DOCK1: variants seen among roughly 807,000 people sequenced by gnomAD.
The protein encoded by DOCK1 is dedicator of cytokinesis protein 1.
A neutral mutation model predicts 262.7 loss-of-function variants in DOCK1; 138 were observed. The ratio of observed to expected loss-of-function variants is 0.53; its 90% CI spans 0.46 to 0.61. The LOEUF (loss-of-function observed/expected upper bound fraction) is 0.61. DOCK1 is among the 20% of genes least tolerant of loss of function. DOCK1 has a pLI of 0.00. For missense variants in DOCK1, 1,908 were observed against 2,370.7 expected (o/e 0.80, Z 4.05); for synonymous variants, 866 against 867.4 (o/e 1.00, Z 0.03).
rs568297869 is a variant in DOCK1 at position 127,356,770 on chromosome 10, A to C, written c.3283+2043A>C. Among the ~76,000 whole-genome samples, 3 of 152,294 alleles carry C rather than the reference A, an allele frequency of 2.0e-5. No homozygotes were observed. The South Asian group carries it at 6.2e-4, about 32-fold the overall frequency. On this transcript the variant is annotated intron_variant, in intron 32 of 51. Coordinates refer to ENST00000623213, the MANE Select transcript of DOCK1 (RefSeq NM_001290223.2). ...CCTGCCACAGTTGGGCTCTCAGGGC[A>C]GACCCCAGACCTCTTCTCTGGACAC...
chr10:127,175,701 CG>C lies in DOCK1; in HGVS notation c.2847+47939del, dbSNP rs760865513. On this transcript the variant is annotated intron_variant, in intron 27 of 51. Coordinates refer to ENST00000623213, the MANE Select transcript of DOCK1 (RefSeq NM_001290223.2). This position sits in a 1 kb window ranked among gnomAD's most constrained non-coding sequence, Gnocchi z 6.3. ...GGGCTCCTCGGAGTTTGGCCTCCCC[CG>C]GTCCTGCTTGGCCCTCCCGAGCAGC... The C allele has an allele frequency of 6.2e-7, 1 of 1,613,886 alleles. No individual in the cohort carries two copies. The highest frequency in any genetic ancestry group is 8.5e-7 in the Non-Finnish European group (1 of 1,179,998).
At chr10:126,928,936 T>C (rs2033977874) in intron 1 of DOCK1, among the ~76,000 whole-genome samples, 3 of 152,244 alleles carry the variant, frequency 2.0e-5, no homozygotes, top group African/African-American at 7.2e-5. Flanking sequence ...CAGTTAAGTA[T>C]TTAATCAGGT....
chr10:126,959,223 C>T (rs2036996466), intron 1 of DOCK1, among the ~76,000 whole-genome samples: 2 of 152,142 alleles, frequency 1.3e-5, no homozygotes, highest in South Asian at 2.1e-4. Flanking sequence ...GTTTCCTATT[C>T]AGATCTTAAT....
chr10:127,200,202 G>A (rs1241471383), intron 27 of DOCK1, among the ~76,000 whole-genome samples: 1 of 152,132 alleles, frequency 6.6e-6, no homozygotes, highest in African/African-American at 2.4e-5. Context: ...AGTCCACTGT[G>A]CAAAGTGAAA....
At chr10:127,328,662 C>T (rs1312086652) in intron 29 of DOCK1, among the ~76,000 whole-genome samples, 2 of 152,060 alleles carry the variant, frequency 1.3e-5, no homozygotes, top group African/African-American at 4.8e-5. Flanking sequence ...GGCAGGGAGG[C>T]GAGGTCTCTG....
chr10:127,076,290 A>G (rs2046536152), intron 23 of DOCK1, among the ~76,000 whole-genome samples: 1 of 152,226 alleles, frequency 6.6e-6, no homozygotes, highest in African/African-American at 2.4e-5. Context: ...TCACAAGGTC[A>G]GTAGATCAAG....
intron 1 of DOCK1, among the ~76,000 whole-genome samples, chr10:126,969,643 T>C (rs1211515357): frequency 2.0e-5 from 3 of 151,996 alleles, no homozygotes; most frequent in Non-Finnish European, 4.4e-5. Context: ...GCTTTCGTGA[T>C]GAGGTGCACC....
chr10:127,354,595 T>G (rs1443441851), intron 31 of DOCK1, 74 bp from the exon 32 acceptor site: 2 of 1,587,066 alleles, frequency 1.3e-6, no homozygotes, highest in Non-Finnish European at 1.7e-6. Context: ...TTAATTGCAC[T>G]TAAAAATAAT....
At chr10:127,068,420 T>A (rs1242316020) in intron 23 of DOCK1, among the ~76,000 whole-genome samples, 1 of 152,168 alleles carries the variant, frequency 6.6e-6, no homozygotes, top group African/African-American at 2.4e-5. Context: ...ACTGAGTAAC[T>A]TTGGGCCTGT....
chr10:127,148,694 T>C (rs929007555), intron 27 of DOCK1, among the ~76,000 whole-genome samples: 3 of 152,222 alleles, frequency 2.0e-5, no homozygotes, highest in African/African-American at 7.2e-5. Context: ...AGAAGAAATT[T>C]CAGCTGCTTA....
In DOCK1 at chr10:127,295,896, G is replaced by T. The variant is rs2766031; in HGVS notation, c.3044+38467G>T. Among the ~76,000 whole-genome samples, 467 of 152,294 alleles carry T rather than the reference G, an allele frequency of 3.1e-3. 4 individuals carry two copies. Among genetic ancestry groups the T allele is most frequent in the African/African-American group, 0.011 (437 of 41,550 alleles). ...GACAACATGAAAAACCTAAAATCAGGTTGGAGATAAATATTTAAATCTCCT... is the reference window on the plus strand; with the variant it reads ...GACAACATGAAAAACCTAAAATCAGTTTGGAGATAAATATTTAAATCTCCT... On this transcript the variant is annotated intron_variant, in intron 29 of 51. Transcript: ENST00000623213.
chr10:127,374,339 C>T lies in DOCK1; in HGVS notation c.3675+125C>T, dbSNP rs189336662. The T allele has an allele frequency of 3.7e-4, 453 of 1,240,770 alleles. 6 individuals carry two copies. In the Admixed American group the frequency reaches 0.011, roughly 30 times the overall value. The allele number at this position is 1,240,770 out of a possible 1,614,324, so 76.9% of individuals were successfully genotyped here. A position where few individuals can be genotyped will look rare whatever the true frequency, so the allele number is the denominator to read the frequency against. On this transcript the variant is annotated intron_variant, in intron 35 of 51. Transcript: ENST00000623213. ...CTTTCCACCGCAGAACAATCTCCTT[C>T]GCTTGTTTCCTCATCTGCTGCAGGG...
intron 28 of DOCK1, among the ~76,000 whole-genome samples, chr10:127,249,673 A>G (rs1275287137): frequency 2.6e-5 from 4 of 152,224 alleles, no homozygotes; most frequent in South Asian, 2.1e-4. Context: ...TACAATGGCT[A>G]TGATGTCACT....
At chr10:127,355,595 C>A (rs1475438672) in intron 32 of DOCK1, among the ~76,000 whole-genome samples, 1 of 152,200 alleles carries the variant, frequency 6.6e-6, no homozygotes, top group East Asian at 1.9e-4. Flanking sequence ...CACGAGAAGC[C>A]TGCATTGGCC....
At chr10:127,040,254 A>G (rs2043931904) in intron 19 of DOCK1, among the ~76,000 whole-genome samples, 2 of 152,240 alleles carry the variant, frequency 1.3e-5, no homozygotes, top group African/African-American at 4.8e-5. Context: ...ACAAAGTGGT[A>G]CAGATCCACA....
rs1554944046 is a variant in DOCK1, at chr10:127,302,741, G to GTGTGTGTGT, written c.3045-36265_3045-36264insTGTGTGTGT. On this transcript the variant is annotated intron_variant, in intron 29 of 51. Transcript: ENST00000623213. ...CTTTTCCTAACTCTGGAAAAGAGGGGGTGTGTGTGTGTGTGTGTGTGTGTG... is the reference window on the plus strand; with the variant it reads ...CTTTTCCTAACTCTGGAAAAGAGGGGTGTGTGTGTGTGTGTGTGTGTGTGTGTGTGTGTG... 8.5e-4 allele frequency among the ~76,000 whole-genome samples: 92 copies of GTGTGTGTGT among 108,166 alleles called. 1 individual carries two copies. The highest frequency in any genetic ancestry group is 5.3e-3 in the Admixed American group (60 of 11,256). The allele number at this position is 108,166 out of a possible 152,430, so 71.0% of individuals were successfully genotyped here.
intron 27 of DOCK1, among the ~76,000 whole-genome samples, chr10:127,163,932 G>A: frequency 6.6e-6 from 1 of 151,388 alleles, no homozygotes; most frequent in Non-Finnish European, 1.5e-5. Flanking sequence ...CAGCTCCCCA[G>A]ATGTGGTGAC....
Position 127,298,125 on chromosome 10 carries a change from G to A in DOCK1, c.3044+40696G>A, listed in dbSNP as rs191259624. Among the ~76,000 whole-genome samples the A allele has an allele frequency of 5.3e-5, 8 of 152,206 alleles. No homozygotes were observed. In the East Asian group the frequency reaches 5.8e-4, roughly 11 times the overall value. On this transcript the variant is annotated intron_variant, in intron 29 of 51. Transcript: ENST00000623213. ...ATTATTAAGATCAGATTGGTTCCTC[G>A]TTATGAGCACCATAATTTTAGTATT... is the stretch of plus-strand genomic sequence containing the variant.
At chr10:127,223,438 C>T (rs1208456272) in intron 27 of DOCK1, among the ~76,000 whole-genome samples, 1 of 152,010 alleles carries the variant, frequency 6.6e-6, no homozygotes, top group Admixed American at 6.6e-5. Context: ...TATTACAGAT[C>T]GAGCATCCCT....
Sources: gnomAD v4.1 joint callset for allele counts (sites outside exome capture counted in the v4.1 genomes callset) on GRCh38, gnomAD v4.1.1 for gene constraint, Gnocchi (gnomAD v3.1) non-coding constraint, MANE v1.5 for transcripts, NCBI Gene and HGNC (gene_info 2026-07-23, HGNC 2026-07-21) for gene names.